Variants in ACSM3 observed in about 807,000 individuals in gnomAD.
ACSM3 encodes the protein acyl-CoA synthetase medium chain family member 3.
In ACSM3, 61 loss-of-function variants were observed where a neutral mutation model predicts 74.1. The ratio of observed to expected loss-of-function variants is 0.82; its 90% CI spans 0.67 to 1.02. ACSM3 has a LOEUF of 1.02. Ranked by LOEUF, ACSM3 falls within the 50% of genes least tolerant of loss-of-function variation. The probability of loss-of-function intolerance (pLI) is 0.00; values close to 1 mark genes in which losing one functional copy is unlikely to be tolerated. For synonymous variants in ACSM3, 213 were observed against 241.5 expected, an observed-to-expected ratio of 0.88 and a Z score of 1.09; for missense variants, 660 against 697.0, an observed-to-expected ratio of 0.95 and a Z score of 0.60.
chr16:20,691,814 C>A, intron 1 of ACSM3, among the ~76,000 whole-genome samples: 1 of 132,902 alleles, frequency 7.5e-6, no homozygotes, highest in Non-Finnish European at 1.6e-5. Context: ...TGTTTCTAAA[C>A]AGATTTAAAT....
chr16:20,771,756 G>A (rs1311595973), intron 2 of ACSM3, among the ~76,000 whole-genome samples: 1 of 152,122 alleles, frequency 6.6e-6, no homozygotes, highest in Non-Finnish European at 1.5e-5. Context: ...ATACCCAGTG[G>A]TGAGACTGCT....
intron 1 of ACSM3, among the ~76,000 whole-genome samples, chr16:20,701,508 A>G (rs1254577178): frequency 6.6e-6 from 1 of 152,228 alleles, no homozygotes; most frequent in African/African-American, 2.4e-5. Context: ...TCAGAGCCAG[A>G]TAGACCAAAC....
At chr16:20,703,305 T>C (rs905420773) in intron 1 of ACSM3, 6 of 152,202 alleles carry the variant, frequency 3.9e-5, no homozygotes, top group African/African-American at 1.4e-4. Context: ...GGCTCTTTTT[T>C]GTTCCATATG....
intron 3 of ACSM3, among the ~76,000 whole-genome samples, chr16:20,776,583 T>C (rs913814889): frequency 6.6e-6 from 1 of 152,238 alleles, no homozygotes; most frequent in African/African-American, 2.4e-5. Flanking sequence ...GAGAAAATAA[T>C]ACCCAAAGCT....
chr16:20,686,149 T>TA (rs1485382934), intron 1 of ACSM3, among the ~76,000 whole-genome samples: 3 of 152,128 alleles, frequency 2.0e-5, no homozygotes, highest in African/African-American at 7.2e-5. Context: ...GCTCAATAAA[T>TA]ATTATTATTA....
At chr16:20,735,610 T>C (rs940384620) in intron 1 of ACSM3, 1 of 151,978 alleles carries the variant, frequency 6.6e-6, no homozygotes, top group Non-Finnish European at 1.5e-5. Context: ...ACCAGACCTC[T>C]GGTTATCAGA....
chr16:20,710,110 C>T (rs982498739), intron 1 of ACSM3, among the ~76,000 whole-genome samples: 1 of 152,172 alleles, frequency 6.6e-6, no homozygotes, highest in Non-Finnish European at 1.5e-5. Flanking sequence ...TTAACTGGTA[C>T]TTTAAATTCA....
chr16:20,677,618 G>A (rs234280), intron 1 of ACSM3, among the ~76,000 whole-genome samples: 2 of 151,934 alleles, frequency 1.3e-5, no homozygotes, highest in African/African-American at 4.8e-5. Flanking sequence ...CCCTTGGGGA[G>A]CCAGACATAG....
chr16:20,680,470 A>G (rs140960960), intron 1 of ACSM3: 1 of 152,368 alleles, frequency 6.6e-6, no homozygotes, highest in African/African-American at 2.4e-5. Context: ...ACGTGGAGGA[A>G]CTAATATGGG....
At chr16:20,742,196 C>T in intron 1 of ACSM3, 1 of 460,878 alleles carries the variant, frequency 2.2e-6, no homozygotes, top group Non-Finnish European at 3.6e-6. Context: ...TTGCATGAGC[C>T]CCTTGAGGCA....
chr16:20,762,961 T>G (rs555962524), upstream of ACSM3, among the ~76,000 whole-genome samples: 4 of 152,198 alleles, frequency 2.6e-5, no homozygotes, highest in Non-Finnish European at 5.9e-5. Flanking sequence ...CATATAGATC[T>G]GAAAGAAAGA....
In ACSM3 at chr16:20,770,353, TA is replaced by T. The variant is rs1431540618; in HGVS notation, c.219+101del. On this transcript the variant is annotated intron_variant, in intron 2 of 13. Coordinates refer to ENST00000289416, the MANE Select transcript of ACSM3 (RefSeq NM_005622.4). Reference sequence around the variant, plus strand: ...TCTAGAAATATTTTTGTTGCCATGATAGGGGCAGAGGCAGTTGCTACTGGCA... The same window carrying T: ...TCTAGAAATATTTTTGTTGCCATGATGGGGCAGAGGCAGTTGCTACTGGCA... 7 of 1,060,228 alleles carry T rather than the reference TA, an allele frequency of 6.6e-6. 1 individual carries two copies. Among genetic ancestry groups the T allele is most frequent in the Non-Finnish European group, 9.7e-6 (7 of 718,634 alleles). 65.7% of individuals were successfully genotyped at this position (1,060,228 alleles called of 1,614,324 possible).
At chr16:20,758,582 C>T (rs2080050464) in intron 3 of ACSM3, among the ~76,000 whole-genome samples, 2 of 152,112 alleles carry the variant, frequency 1.3e-5, no homozygotes, top group Admixed American at 6.5e-5. Flanking sequence ...AAAAAACCAG[C>T]TCCTGGATTC....
chr16:20,685,272 T>C (rs1368335925), intron 1 of ACSM3: 12 of 1,614,084 alleles, frequency 7.4e-6, no homozygotes, highest in Non-Finnish European at 7.6e-6. Context: ...CTCCCTGTTG[T>C]AGGCCACAGG....
chr16:20,781,594 G>A, intron 6 of ACSM3, 114 bp from the exon 7 acceptor site: 1 of 831,916 alleles, frequency 1.2e-6, no homozygotes, highest in East Asian at 2.6e-5. Context: ...GAAAAGGTAA[G>A]AATGTATTTA....
chr16:20,704,283 A>G (rs2079721082), intron 1 of ACSM3, among the ~76,000 whole-genome samples: 1 of 152,210 alleles, frequency 6.6e-6, no homozygotes, highest in Non-Finnish European at 1.5e-5. Flanking sequence ...TGTGAAAGGT[A>G]GTATTATTAC....
intron 1 of ACSM3, chr16:20,722,017 G>C (rs1442080588): frequency 6.6e-6 from 1 of 152,080 alleles, no homozygotes; most frequent in Admixed American, 6.5e-5. Flanking sequence ...AGTGCTACTG[G>C]GATAAATATT....
At chr16:20,759,383 C>T (rs2080057871), upstream of ACSM3, among the ~76,000 whole-genome samples, 3 of 152,090 alleles carry the variant, frequency 2.0e-5, no homozygotes, top group South Asian at 4.2e-4. Flanking sequence ...CACGGTGAAA[C>T]CCCGTCTCTA....
At chr16:20,779,575 G>A (rs2080307869) in intron 4 of ACSM3, among the ~76,000 whole-genome samples, 1 of 152,120 alleles carries the variant, frequency 6.6e-6, no homozygotes, top group South Asian at 2.1e-4. Flanking sequence ...ATGTATGTGT[G>A]CAGCTGCCCT....
Sources: gnomAD v4.1 joint callset for allele counts (sites outside exome capture counted in the v4.1 genomes callset) on GRCh38, gnomAD v4.1.1 for gene constraint, MANE v1.5 for transcripts, NCBI Gene and HGNC (gene_info 2026-07-23, HGNC 2026-07-21) for gene names.